NUP98: variants seen among roughly 807,000 people sequenced by gnomAD.
The protein encoded by NUP98 is nucleoporin 98 and 96 precursor.
NUP98 carries 26 observed loss-of-function variants against 191.9 expected under a neutral mutation model. The observed-to-expected ratio is 0.14, with a 90% CI of 0.10 to 0.19. The LOEUF is 0.19. NUP98 is among the 10% of genes least tolerant of loss of function. The pLI is 1.00. For missense variants in NUP98, 1,941 were observed against 2,178.8 expected, an observed-to-expected ratio of 0.89 and a Z score of 2.17; for synonymous variants, 808 against 778.4, an observed-to-expected ratio of 1.04 and a Z score of -0.63.
At position 3,765,165 on chromosome 11, in the gene NUP98, C is replaced by A. The variant is rs2081295376; in HGVS notation, c.949-2126G>T. ...ACAGGTCTTTTCACTTTGATGATAT[C>A]CCTTTGATATATAAATGTTTTTCTG... On this transcript the variant is annotated intron_variant, in intron 8 of 32. Transcript: ENST00000324932. Among the ~76,000 whole-genome samples, 2 of 152,116 alleles carry A rather than the reference C, an allele frequency of 1.3e-5. 1 individual carries two copies. The highest frequency in any genetic ancestry group is 4.1e-4 in the South Asian group (2 of 4,824).
chr11:3,757,343 C>G (rs2081003107), intron 10 of NUP98, among the ~76,000 whole-genome samples: 1 of 151,402 alleles, frequency 6.6e-6, no homozygotes, highest in South Asian at 2.1e-4. Context: ...AAAAATTAGC[C>G]AGGTGTGGTG....
At chr11:3,688,589 G>A (rs923768468) in intron 28 of NUP98, among the ~76,000 whole-genome samples, 3 of 151,118 alleles carry the variant, frequency 2.0e-5, no homozygotes, top group African/African-American at 7.3e-5. Context: ...GAGGTCAGGA[G>A]TTCGAGACCA....
At chr11:3,777,489 C>T (rs2081776555) in intron 4 of NUP98, among the ~76,000 whole-genome samples, 1 of 151,810 alleles carries the variant, frequency 6.6e-6, no homozygotes, top group South Asian at 2.1e-4. Context: ...GGCGTGATGG[C>T]GGGCGCCTGT....
chr11:3,791,521 G>C (rs1230682170), intron 1 of NUP98, among the ~76,000 whole-genome samples: 2 of 107,984 alleles, frequency 1.9e-5, no homozygotes, highest in African/African-American at 7.3e-5. Flanking sequence ...GGGAAAGACC[G>C]AGACCTCGTC....
chr11:3,744,138 T>C (rs1220454977), intron 12 of NUP98, among the ~76,000 whole-genome samples: 1 of 152,194 alleles, frequency 6.6e-6, no homozygotes, highest in East Asian at 1.9e-4. Context: ...AACATAATTA[T>C]ATTGGAAGAA....
chr11:3,696,449 C>T (rs1004733531), intron 25 of NUP98, among the ~76,000 whole-genome samples: 1 of 151,878 alleles, frequency 6.6e-6, no homozygotes, highest in African/African-American at 2.4e-5. Context: ...TTGCAGTAAA[C>T]AGAGATTGCA....
At chr11:3,790,365 C>T (rs2082295479) in intron 1 of NUP98, among the ~76,000 whole-genome samples, 1 of 152,170 alleles carries the variant, frequency 6.6e-6, no homozygotes, top group South Asian at 2.1e-4. Context: ...ACCCCACCAG[C>T]TCTGCCCTAT....
At chr11:3,782,240 C>T (rs1239304281) in intron 1 of NUP98, 95 bp from the exon 2 acceptor site, 11 of 640,868 alleles carry the variant, frequency 1.7e-5, no homozygotes, top group East Asian at 1.7e-4. Flanking sequence ...TAGGCCTATT[C>T]GAACTATAGT....
In NUP98 at chr11:3,683,340, C is replaced by A; in HGVS notation, c.4778G>T (p.Arg1593Leu). Residue 1593 changes from arginine to leucine, a missense_variant, in exon 30 of 33, where the codon CGT becomes CTT. Physicochemically the swap from Arg to Leu is moderately radical, Grantham distance 102. This residue lies in a region of NUP98 where 1,030 missense variants were observed against 1,115.8 expected (regional missense o/e 0.92). Coordinates refer to ENST00000324932, the MANE Select transcript of NUP98 (RefSeq NM_016320.5). Reference protein sequence around the residue: ...AKETFLTQKLRVPAKWIHEAK... With the variant: ...AKETFLTQKLLVPAKWIHEAK... ...CTCGTGGATCCATTTGGCAGGTACA[C>A]GGAGCTTCTGGGTAAGGAAAGTCTC... is the stretch of plus-strand genomic sequence containing the variant. The A allele has an allele frequency of 6.2e-7, 1 of 1,614,132 alleles. No individual in the cohort carries two copies. Among genetic ancestry groups the A allele is most frequent in the Non-Finnish European group, 8.5e-7 (1 of 1,180,018 alleles).
chr11:3,709,223 CAA>C (rs1277914602), intron 20 of NUP98, among the ~76,000 whole-genome samples: 1 of 152,084 alleles, frequency 6.6e-6, no homozygotes, highest in African/African-American at 2.4e-5. Context: ...TTGCCTGTCT[CAA>C]AAAGAACTAG....
intron 1 of NUP98, among the ~76,000 whole-genome samples, chr11:3,791,127 C>T (rs1006695719): frequency 1.3e-5 from 2 of 151,926 alleles, no homozygotes; most frequent in Non-Finnish European, 2.9e-5. Context: ...GATCTCCTGA[C>T]CTTGTGATCC....
chr11:3,776,906 G>A (rs1400922732), intron 4 of NUP98, among the ~76,000 whole-genome samples: 5 of 152,116 alleles, frequency 3.3e-5, no homozygotes, highest in African/African-American at 4.8e-5. Context: ...GTCACACTTG[G>A]AAGACAACTT....
At chr11:3,769,575 CAAAAAAAAAAAAA>C (rs34035817) in intron 7 of NUP98, among the ~76,000 whole-genome samples, 2 of 61,694 alleles carry the variant, frequency 3.2e-5, no homozygotes, top group Admixed American at 3.9e-4. Context: ...GATTCTGTCT[CAAAAAAAAAAAAA>C]AAAAAAAAAG....
intron 10 of NUP98, among the ~76,000 whole-genome samples, chr11:3,754,302 T>TATAA (rs1312329426): frequency 6.6e-6 from 1 of 152,154 alleles, no homozygotes; most frequent in African/African-American, 2.4e-5. Flanking sequence ...GGCGCATGCC[T>TATAA]ATAAACCCAG....
chr11:3,779,638 T>C (rs1156316337), intron 2 of NUP98, among the ~76,000 whole-genome samples: 2 of 17,088 alleles, frequency 1.2e-4, no homozygotes, highest in Non-Finnish European at 2.3e-4. Context: ...TGAAACGCCG[T>C]CTCAAAAAAA....
Position 3,699,803 on chromosome 11 carries a change from T to A in NUP98, c.3743-455A>T, listed in dbSNP as rs141546616. On this transcript the variant is annotated intron_variant, in intron 24 of 32. Coordinates refer to ENST00000324932, the MANE Select transcript of NUP98 (RefSeq NM_016320.5). ...AAAGAACTGAAGGAACATAAACAAATCTCAAAACGTGTGGCATAGGACATT... is the reference window on the plus strand; with the variant it reads ...AAAGAACTGAAGGAACATAAACAAAACTCAAAACGTGTGGCATAGGACATT... 4.3e-3 allele frequency among the ~76,000 whole-genome samples: 658 copies of A among 152,288 alleles called. 2 individuals are homozygous for A. Among genetic ancestry groups the A allele is most frequent in the African/African-American group, 0.015 (611 of 41,560 alleles).
chr11:3,769,523 CTA>C (rs1564907585), intron 7 of NUP98, among the ~76,000 whole-genome samples: 1 of 140,632 alleles, frequency 7.1e-6, no homozygotes, highest in Non-Finnish European at 1.5e-5. Context: ...CTGCAGTGAG[CTA>C]TGATTGCTCC....
intron 16 of NUP98, 48 bp downstream of exon 16, chr11:3,723,109 T>C (rs1419948895): frequency 6.4e-7 from 1 of 1,560,206 alleles, no homozygotes; most frequent in Non-Finnish European, 8.8e-7. Context: ...AAGCAAGTCA[T>C]CTCGAATGAC....
chr11:3,700,227 G>A (rs566767577), intron 24 of NUP98, among the ~76,000 whole-genome samples: 4 of 134,110 alleles, frequency 3.0e-5, no homozygotes, highest in Non-Finnish European at 6.1e-5. Context: ...GGTGGCGCGC[G>A]CCTATACTCC....
Sources: gnomAD v4.1 joint callset for allele counts (sites outside exome capture counted in the v4.1 genomes callset) on GRCh38, gnomAD v4.1.1 for gene constraint, gnomAD v4.1.1 regional missense constraint, MANE v1.5 for transcripts, NCBI Gene and HGNC (gene_info 2026-07-23, HGNC 2026-07-21) for gene names.